The following UBR1 variants were observed in gnomAD, a reference collection of about 807,000 sequenced individuals.
UBR1 encodes ubiquitin protein ligase E3 component n-recognin 1.
UBR1 carries 102 observed loss-of-function variants against 242.1 expected under a neutral mutation model. The ratio of observed to expected loss-of-function variants is 0.42; its 90% CI spans 0.36 to 0.50. UBR1 has a LOEUF of 0.50. UBR1 is among the 20% of genes least tolerant of loss of function. UBR1 has a pLI of 0.01. For missense variants in UBR1, 1,772 were observed against 2,101.8 expected (o/e 0.84, Z 3.07); for synonymous variants, 675 against 684.8 (o/e 0.99, Z 0.22).
intron 33 of UBR1, among the ~76,000 whole-genome samples, chr15:42,996,227 A>G (rs530777676): frequency 4.6e-5 from 7 of 152,220 alleles, no homozygotes; most frequent in South Asian, 2.1e-4. Context: ...TGTTAATGCT[A>G]TTTCCTCTTG....
intron 14 of UBR1, among the ~76,000 whole-genome samples, chr15:43,046,124 G>A (rs1013391071): frequency 6.6e-6 from 1 of 152,192 alleles, no homozygotes; most frequent in Non-Finnish European, 1.5e-5. Context: ...CAGAAGGTTT[G>A]GAAGAAGTCA....
At chr15:43,099,761 T>C (rs1300124879) in intron 1 of UBR1, among the ~76,000 whole-genome samples, 1 of 152,140 alleles carries the variant, frequency 6.6e-6, no homozygotes, top group Non-Finnish European at 1.5e-5. Context: ...AGAACTTCAC[T>C]GTCTAGAAGG....
Position 42,958,006 on chromosome 15 carries a change from T to C in UBR1, c.4835+7A>G. On this transcript the variant is annotated splice_region_variant and intron_variant, in intron 44 of 46. Coordinates refer to ENST00000290650, the MANE Select transcript of UBR1 (RefSeq NM_174916.3). ...ATTACACACATATATATACACACTC[T>C]CCTTACCTGAAATGAGAAGCTTGAT... 6.2e-7 allele frequency: 1 copy of C among 1,608,204 alleles called. No homozygotes were observed. Among genetic ancestry groups the C allele is most frequent in the Non-Finnish European group, 8.5e-7 (1 of 1,175,276 alleles).
chr15:42,991,680 A>T (rs962295082), intron 33 of UBR1, among the ~76,000 whole-genome samples: 1 of 151,882 alleles, frequency 6.6e-6, no homozygotes, highest in African/African-American at 2.4e-5. Flanking sequence ...TGTTCTCCAG[A>T]CTGAATAATT....
intron 30 of UBR1, 85 bp downstream of exon 30, chr15:43,006,994 C>T (rs1179523754): frequency 1.5e-6 from 2 of 1,332,216 alleles, no homozygotes; most frequent in South Asian, 1.2e-5. Context: ...ACCCTTATTT[C>T]CAAATGTTTT....
chr15:43,071,066 G>A (rs1027809540), intron 4 of UBR1, 141 bp from the exon 5 acceptor site: 2 of 1,190,566 alleles, frequency 1.7e-6, no homozygotes, highest in Non-Finnish European at 2.4e-6. Flanking sequence ...GAGCTCAAGA[G>A]GGTTGCTATA....
intron 37 of UBR1, among the ~76,000 whole-genome samples, chr15:42,981,621 C>G (rs2032379998): frequency 6.6e-6 from 1 of 152,094 alleles, no homozygotes; most frequent in African/African-American, 2.4e-5. Context: ...TCCCGAGTAG[C>G]TGGGACTACA....
chr15:42,970,409 A>G (rs1222414487), intron 40 of UBR1, 111 bp downstream of exon 40: 1 of 1,148,986 alleles, frequency 8.7e-7, no homozygotes, highest in Non-Finnish European at 1.3e-6. Context: ...AACCTAGGCA[A>G]TAACTGATTA....
At chr15:43,053,827 A>ATT (rs752733899) in intron 12 of UBR1, among the ~76,000 whole-genome samples, 128 of 132,104 alleles carry the variant, frequency 9.7e-4, no homozygotes, top group African/African-American at 3.2e-3. Context: ...TACAGACGCA[A>ATT]TTTTTTTTTT....
At chr15:43,015,080 C>T (rs1333537899) in intron 29 of UBR1, among the ~76,000 whole-genome samples, 14 of 152,020 alleles carry the variant, frequency 9.2e-5, no homozygotes, top group African/African-American at 2.7e-4. Flanking sequence ...CACCTCGGCC[C>T]GGCCGCCCCT....
intron 39 of UBR1, among the ~76,000 whole-genome samples, chr15:42,971,553 A>G (rs1191366948): frequency 6.6e-6 from 1 of 152,184 alleles, no homozygotes; most frequent in African/African-American, 2.4e-5. Flanking sequence ...TTTATGTATT[A>G]ATTCATCTGG....
chr15:42,958,592 TAA>T (rs919727345), intron 43 of UBR1, among the ~76,000 whole-genome samples: 32 of 152,306 alleles, frequency 2.1e-4, no homozygotes, highest in African/African-American at 7.7e-4. Context: ...AATATTGATT[TAA>T]GAAATGTCAA....
At chr15:42,989,087 T>C (rs574335467) in intron 34 of UBR1, 120 bp from the exon 35 acceptor site, 2 of 841,826 alleles carry the variant, frequency 2.4e-6, no homozygotes, top group Non-Finnish European at 1.8e-6. Flanking sequence ...TAAACTGCTC[T>C]TTGCCAAATT....
In UBR1 at chr15:43,054,916, G is replaced by T. The variant is rs560860593; in HGVS notation, c.1282-17C>A. On this transcript the variant is annotated splice_polypyrimidine_tract_variant and intron_variant, in intron 11 of 46. Coordinates refer to ENST00000290650, the MANE Select transcript of UBR1 (RefSeq NM_174916.3). ...ATGTCGAGCCTGCGGAATATTTCAAGAATATTTTCTTTAGCATTAACTCAT... is the reference window on the plus strand; with the variant it reads ...ATGTCGAGCCTGCGGAATATTTCAATAATATTTTCTTTAGCATTAACTCAT... 1.2e-6 allele frequency: 2 copies of T among 1,613,526 alleles called. No individual in the cohort carries two copies. The highest frequency in any genetic ancestry group is 1.3e-5 in the African/African-American group (1 of 75,028).
At chr15:43,021,419 A>G (rs1052007041) in intron 26 of UBR1, 44 bp from the exon 27 acceptor site, 1 of 1,575,076 alleles carries the variant, frequency 6.3e-7, no homozygotes, top group Admixed American at 1.7e-5. Flanking sequence ...ACATAAAGTC[A>G]TCTCTTGGTA....
intron 19 of UBR1, among the ~76,000 whole-genome samples, chr15:43,035,868 G>A (rs1302238734): frequency 1.3e-5 from 2 of 148,262 alleles, no homozygotes; most frequent in Non-Finnish European, 3.0e-5. Context: ...TCATAGGTGG[G>A]AATTGAACAA....
chr15:42,968,590 A>G (rs1298223191), intron 40 of UBR1, among the ~76,000 whole-genome samples: 1 of 151,988 alleles, frequency 6.6e-6, no homozygotes, highest in African/African-American at 2.4e-5. Context: ...ATATAGGTAT[A>G]CATGTGTCAT....
chr15:43,099,728 A>G (rs2034204682), intron 1 of UBR1, among the ~76,000 whole-genome samples: 1 of 152,210 alleles, frequency 6.6e-6, no homozygotes, highest in African/African-American at 2.4e-5. Context: ...ACAGCTGTGA[A>G]CAAGCAACAG....
chr15:43,018,480 T>C (rs895775070), intron 27 of UBR1, among the ~76,000 whole-genome samples: 4 of 152,166 alleles, frequency 2.6e-5, no homozygotes, highest in African/African-American at 9.7e-5. Context: ...ACCTGTCTCC[T>C]GGGCTCATGC....
Sources: gnomAD v4.1 joint callset for allele counts (sites outside exome capture counted in the v4.1 genomes callset) on GRCh38, gnomAD v4.1.1 for gene constraint, MANE v1.5 for transcripts, NCBI Gene and HGNC (gene_info 2026-07-23, HGNC 2026-07-21) for gene names.